The following NSUN7 variants were observed in gnomAD, a reference collection of about 807,000 sequenced individuals.
NSUN7 encodes protein NSUN7.
A neutral mutation model predicts 58.5 loss-of-function variants in NSUN7; 39 were observed. That is an observed-to-expected ratio of 0.67 (90% CI 0.52 to 0.87). NSUN7 has a LOEUF of 0.87. Among genes scored for constraint, NSUN7 ranks in the 40% least tolerant of loss-of-function variants. NSUN7 has a pLI of 0.00. For missense variants in NSUN7, 765 were observed against 844.1 expected (o/e 0.91, Z 1.16); for synonymous variants, 278 against 303.7 (o/e 0.92, Z 0.88).
At chr4:40,795,555 A>C (rs972235414) in intron 9 of NSUN7, among the ~76,000 whole-genome samples, 14 of 152,212 alleles carry the variant, frequency 9.2e-5, no homozygotes, top group Non-Finnish European at 1.5e-5. Flanking sequence ...TAATGACATA[A>C]ACTCTTTTAT....
At chr4:40,774,080 G>A (rs1275906342) in intron 4 of NSUN7, among the ~76,000 whole-genome samples, 185 bp from the exon 5 acceptor site, 1 of 152,202 alleles carries the variant, frequency 6.6e-6, no homozygotes, top group Non-Finnish European at 1.5e-5. Flanking sequence ...TTACAGGCAT[G>A]AGCCGCTGCG....
At chr4:40,808,029 CAAAAAAAAA>C (rs397878278) in intron 11 of NSUN7, among the ~76,000 whole-genome samples, 1 of 60,152 alleles carries the variant, frequency 1.7e-5, no homozygotes, top group Non-Finnish European at 3.0e-5. Flanking sequence ...GACTCCATCT[CAAAAAAAAA>C]AAAAAAAAAA....
intron 6 of NSUN7, 44 bp downstream of exon 6, chr4:40,774,994 C>G (rs764811524): frequency 2.6e-5 from 21 of 806,172 alleles, no homozygotes; most frequent in Non-Finnish European, 4.1e-5. Context: ...ACAATCCAAC[C>G]TAGCCAAAGA....
intron 7 of NSUN7, among the ~76,000 whole-genome samples, chr4:40,789,808 G>C (rs1002025585): frequency 6.6e-6 from 1 of 152,086 alleles, no homozygotes; most frequent in Non-Finnish European, 1.5e-5. Flanking sequence ...GGGAAAAATT[G>C]GTGAGGCAAG....
chr4:40,789,431 T>G (rs555211115), intron 7 of NSUN7, among the ~76,000 whole-genome samples: 8 of 152,330 alleles, frequency 5.3e-5, no homozygotes, highest in Non-Finnish European at 1.2e-4. Flanking sequence ...GTGAGACTGT[T>G]GGGAAATGCG....
intron 11 of NSUN7, among the ~76,000 whole-genome samples, 188 bp downstream of exon 11, chr4:40,807,372 A>G (rs13128699): frequency 0.8 from 118,389 of 148,580 alleles, 47,413 homozygotes; most frequent in Admixed American, 0.83. Context: ...TTTTTGAGAC[A>G]GAGTCTTGCT....
At chr4:40,777,313 AT>A (rs1392672875) in intron 7 of NSUN7, among the ~76,000 whole-genome samples, 2 of 151,954 alleles carry the variant, frequency 1.3e-5, no homozygotes, top group African/African-American at 4.8e-5. Context: ...TTATCTTCTA[AT>A]TTTTTTCATT....
At chr4:40,796,342 A>G (rs1163774116) in intron 9 of NSUN7, among the ~76,000 whole-genome samples, 3 of 151,958 alleles carry the variant, frequency 2.0e-5, no homozygotes, top group Non-Finnish European at 4.4e-5. Flanking sequence ...GTCTCTAAAT[A>G]AATAAATAAA....
chr4:40,780,709 T>C (rs1011129070), intron 7 of NSUN7, among the ~76,000 whole-genome samples: 1 of 146,566 alleles, frequency 6.8e-6, no homozygotes, highest in African/African-American at 2.5e-5. Context: ...TAAGCTTACA[T>C]ACATTATATA....
intron 4 of NSUN7, chr4:40,773,207 A>G (rs1363016728): frequency 6.6e-6 from 1 of 152,252 alleles, no homozygotes; most frequent in African/African-American, 2.4e-5. Flanking sequence ...AATTTTGCAC[A>G]CATGATTGAT....
In NSUN7 at chr4:40,811,033, G is replaced by GTT. The variant is rs1577600017; in HGVS notation, c.*2096_*2097dup. ...GATGTTGTCTCATTGTTATGGAATA[G>GTT]TTTAGGATAATTTTCTGATCTCTAC... On this transcript the variant is annotated 3_prime_UTR_variant, in exon 12 of 12. Coordinates refer to ENST00000381782, the MANE Select transcript of NSUN7 (RefSeq NM_024677.6). 2 of 152,166 alleles carry GTT rather than the reference G, an allele frequency of 1.3e-5. No individual in the cohort carries two copies. Among genetic ancestry groups the GTT allele is most frequent in the African/African-American group, 4.8e-5 (2 of 41,436 alleles). 9.4% of individuals were successfully genotyped at this position (152,166 alleles called of 1,614,324 possible).
At chr4:40,767,180 G>A (rs1015802168) in intron 4 of NSUN7, among the ~76,000 whole-genome samples, 11 of 152,228 alleles carry the variant, frequency 7.2e-5, no homozygotes, top group African/African-American at 2.6e-4. Flanking sequence ...ATGTTAGGGT[G>A]TCAATTTTGG....
At chr4:40,758,419 A>G (rs1741280280) in intron 2 of NSUN7, among the ~76,000 whole-genome samples, 1 of 152,202 alleles carries the variant, frequency 6.6e-6, no homozygotes, top group Non-Finnish European at 1.5e-5. Flanking sequence ...CTTGTGAAGT[A>G]CAAGTACGTA....
At chr4:40,786,773 A>G (rs1445967842) in intron 7 of NSUN7, 4 of 1,460,242 alleles carry the variant, frequency 2.7e-6, no homozygotes, top group Non-Finnish European at 3.7e-6. Flanking sequence ...TTTGACAAAT[A>G]GAAGAGTGTC....
intron 9 of NSUN7, among the ~76,000 whole-genome samples, chr4:40,795,676 A>G (rs2437309): frequency 0.53 from 80,151 of 152,024 alleles, 21,551 homozygotes; most frequent in Admixed American, 0.61. Context: ...ATAAGGAAAT[A>G]CTGTCTTAGG....
intron 7 of NSUN7, among the ~76,000 whole-genome samples, chr4:40,789,927 A>G (rs551013322): frequency 2.0e-5 from 3 of 152,302 alleles, no homozygotes; most frequent in Admixed American, 6.5e-5. Context: ...ACAGATGGCT[A>G]TAATGCAAGG....
intron 1 of NSUN7, 144 bp downstream of exon 1, chr4:40,750,444 CTTT>C (rs145071809): frequency 0.024 from 6,495 of 269,530 alleles, 1 homozygote; most frequent in South Asian, 0.039. Flanking sequence ...CCCCTCCTCG[CTTT>C]TTTTTTTTTT....
intron 7 of NSUN7, chr4:40,786,246 T>C (rs1742816283): frequency 1.2e-6 from 2 of 1,613,984 alleles, no homozygotes; most frequent in Non-Finnish European, 1.7e-6. Flanking sequence ...TCAATGAATT[T>C]GTAAATACCG....
chr4:40,765,738 G>T (rs576014026), intron 4 of NSUN7, among the ~76,000 whole-genome samples: 2 of 152,172 alleles, frequency 1.3e-5, no homozygotes, highest in East Asian at 1.9e-4. Context: ...CCATTTCTTG[G>T]TATCCTCTTT....
Sources: allele counts gnomAD v4.1 joint callset (sites outside exome capture counted in the v4.1 genomes callset), GRCh38; gene constraint gnomAD v4.1.1; transcripts MANE v1.5; gene names NCBI Gene and HGNC (gene_info 2026-07-23, HGNC 2026-07-21).